The following MIPOL1 variants were observed in gnomAD, a reference collection of about 807,000 sequenced individuals.
MIPOL1 encodes the protein mirror-image polydactyly 1, also known as mirror-image polydactyly gene 1 protein.
MIPOL1 carries 57 observed loss-of-function variants against 60.9 expected under a neutral mutation model. The ratio of observed to expected loss-of-function variants is 0.94; its 90% confidence interval spans 0.76 to 1.17. The LOEUF (loss-of-function observed/expected upper bound fraction) is 1.17, where lower values mean the gene tolerates loss of function less well. Among genes scored for constraint, MIPOL1 ranks in the 50% most tolerant of loss-of-function variants. The pLI is 0.00. For missense variants in MIPOL1, 551 were observed against 511.6 expected (o/e 1.08, Z -0.74); for synonymous variants, 179 against 168.8 (o/e 1.06, Z -0.47).
chr14:37,544,242 C>CA (rs1201237330), intron 12 of MIPOL1, among the ~76,000 whole-genome samples: 1 of 152,056 alleles, frequency 6.6e-6, no homozygotes, highest in African/African-American at 2.4e-5. Flanking sequence ...ATAAAAGAAA[C>CA]AAAAATCATA....
chr14:37,526,939 G>A (rs955864010), intron 12 of MIPOL1, among the ~76,000 whole-genome samples: 21 of 152,100 alleles, frequency 1.4e-4, no homozygotes, highest in African/African-American at 4.6e-4. Flanking sequence ...CTACTATTGA[G>A]TAAGTTGTTA....
intron 7 of MIPOL1, among the ~76,000 whole-genome samples, chr14:37,302,907 C>A (rs1398094350): frequency 1.3e-5 from 2 of 151,690 alleles, no homozygotes; most frequent in South Asian, 2.1e-4. Flanking sequence ...TTCTAGATAA[C>A]CTTTTTACAA....
At chr14:37,294,969 C>G (rs979522538) in intron 7 of MIPOL1, among the ~76,000 whole-genome samples, 8 of 152,120 alleles carry the variant, frequency 5.3e-5, no homozygotes, top group African/African-American at 1.9e-4. Flanking sequence ...CAAAGATACT[C>G]CTCAAGAAGA....
At chr14:37,299,782 T>C (rs1239668872) in intron 7 of MIPOL1, among the ~76,000 whole-genome samples, 1 of 152,072 alleles carries the variant, frequency 6.6e-6, no homozygotes. Context: ...ACTGTATACT[T>C]TCTTTGGATT....
intron 12 of MIPOL1, among the ~76,000 whole-genome samples, chr14:37,513,028 C>T (rs1268211863): frequency 6.6e-6 from 1 of 152,040 alleles, no homozygotes; most frequent in East Asian, 1.9e-4. Flanking sequence ...AAGGCACCTT[C>T]TAAATCTAAT....
intron 9 of MIPOL1, among the ~76,000 whole-genome samples, chr14:37,357,387 C>T (rs10146056): frequency 0.56 from 84,601 of 151,522 alleles, 25,396 homozygotes; most frequent in Non-Finnish European, 0.67. Context: ...TCACCCTTTT[C>T]ACCCTTTTTC....
chr14:37,228,678 C>T (rs1297845903), intron 1 of MIPOL1, among the ~76,000 whole-genome samples: 1 of 152,170 alleles, frequency 6.6e-6, no homozygotes, highest in Non-Finnish European at 1.5e-5. Context: ...TTTATCTTCT[C>T]TCTTCAGGTT....
intron 11 of MIPOL1, among the ~76,000 whole-genome samples, chr14:37,472,809 C>G (rs540878781): frequency 6.6e-6 from 1 of 152,206 alleles, no homozygotes; most frequent in African/African-American, 2.4e-5. Flanking sequence ...TATCATAGAC[C>G]TTTAATTTCT....
intron 9 of MIPOL1, among the ~76,000 whole-genome samples, chr14:37,332,077 G>T (rs2089738846): frequency 1.3e-5 from 2 of 152,054 alleles, no homozygotes; most frequent in Admixed American, 1.3e-4. Context: ...GGCGGAGGTT[G>T]TAGTGAGCCG....
intron 3 of MIPOL1, among the ~76,000 whole-genome samples, chr14:37,253,191 T>C (rs1004869638): frequency 1.1e-4 from 16 of 151,834 alleles, no homozygotes; most frequent in African/African-American, 3.6e-4. Context: ...GGAAAACCAA[T>C]ACTTTTAATA....
At chr14:37,487,271 A>T (rs2094962555) in intron 11 of MIPOL1, among the ~76,000 whole-genome samples, 1 of 152,180 alleles carries the variant, frequency 6.6e-6, no homozygotes, top group East Asian at 1.9e-4. Context: ...ATCAATGTTT[A>T]TCAAGGATAT....
At chr14:37,440,965 A>G (rs1351735972) in intron 11 of MIPOL1, among the ~76,000 whole-genome samples, 1 of 152,114 alleles carries the variant, frequency 6.6e-6, no homozygotes, top group East Asian at 1.9e-4. Context: ...AGTGGTGTCA[A>G]TGAGGATGTC....
At chr14:37,542,323 G>A (rs1357196759) in intron 12 of MIPOL1, among the ~76,000 whole-genome samples, 1 of 151,712 alleles carries the variant, frequency 6.6e-6, no homozygotes, top group Non-Finnish European at 1.5e-5. Flanking sequence ...TGTCATTTTG[G>A]TTCTATCCTC....
intron 11 of MIPOL1, among the ~76,000 whole-genome samples, chr14:37,461,336 C>A (rs1192306236): frequency 6.6e-6 from 1 of 152,144 alleles, no homozygotes; most frequent in South Asian, 2.1e-4. Context: ...CAAGGGAACT[C>A]TCATTTTTAA....
chr14:37,284,784 G>C (rs1300817142), intron 6 of MIPOL1, among the ~76,000 whole-genome samples: 1 of 152,122 alleles, frequency 6.6e-6, no homozygotes, highest in Non-Finnish European at 1.5e-5. Context: ...TTAAATGCTG[G>C]GTAGTATTCC....
intron 6 of MIPOL1, chr14:37,277,993 G>A (rs940852313): frequency 2.6e-5 from 4 of 151,140 alleles, no homozygotes; most frequent in Non-Finnish European, 4.5e-5. Flanking sequence ...TTAATTACAG[G>A]GTTACAAAGC....
At chr14:37,204,034 G>A (rs1442226524) in intron 1 of MIPOL1, among the ~76,000 whole-genome samples, 1 of 151,896 alleles carries the variant, frequency 6.6e-6, no homozygotes, top group Admixed American at 6.6e-5. Flanking sequence ...CGCCCACCTT[G>A]GCCTCTCAAA....
intron 6 of MIPOL1, 40 bp from the exon 7 acceptor site, chr14:37,285,278 A>G (rs759080218): frequency 3.1e-6 from 5 of 1,610,986 alleles, no homozygotes; most frequent in Non-Finnish European, 4.2e-6. Flanking sequence ...TTTGTCCTTT[A>G]TTTTGTATGA....
chr14:37,324,925 G>A (rs1194198589), intron 9 of MIPOL1, among the ~76,000 whole-genome samples: 1 of 152,060 alleles, frequency 6.6e-6, no homozygotes, highest in Non-Finnish European at 1.5e-5. Flanking sequence ...TTATGCTAAT[G>A]TCACACTGCA....
Sources: gnomAD v4.1 joint callset for allele counts (sites outside exome capture counted in the v4.1 genomes callset) on GRCh38, gnomAD v4.1.1 for gene constraint, MANE v1.5 for transcripts, NCBI Gene and HGNC (gene_info 2026-07-23, HGNC 2026-07-21) for gene names.